The following GANC variants were observed in gnomAD, a reference collection of about 807,000 sequenced individuals.
The protein encoded by GANC is neutral alpha-glucosidase C.
A neutral mutation model predicts 124.2 loss-of-function variants in GANC; 117 were observed. That is an observed-to-expected ratio of 0.94 (90% CI 0.81 to 1.10). GANC has a LOEUF of 1.10. GANC is among the 50% of genes least tolerant of loss of function. The pLI is 0.00. For missense variants in GANC, 1,140 were observed against 1,095.0 expected (o/e 1.04, Z -0.58); for synonymous variants, 377 against 376.8 (o/e 1.00, Z -0.01).
In GANC at chr15:42,349,515, CTG is replaced by C. The variant is rs768188641; in HGVS notation, c.2531+22_2531+23del. On this transcript the variant is annotated intron_variant, in intron 22 of 23. Transcript: ENST00000318010. ...CAATAGGTAATGGCAGCTAAAGAAA[CTG>C]TTTGTTTTCTTAAGTAAATCACACT... is the stretch of plus-strand genomic sequence containing the variant. 15 of 1,402,730 alleles carry C rather than the reference CTG, an allele frequency of 1.1e-5. No homozygotes were observed. The African/African-American group carries it at 1.4e-4, about 13-fold the overall frequency. 86.9% of individuals were successfully genotyped at this position (1,402,730 alleles called of 1,614,324 possible).
At chr15:42,282,045 G>A (rs987124579) in intron 3 of GANC, among the ~76,000 whole-genome samples, 1 of 151,808 alleles carries the variant, frequency 6.6e-6, no homozygotes, top group African/African-American at 2.4e-5. Context: ...AAATAAGGCC[G>A]AGTGCGGTGG....
At chr15:42,296,482 T>A (rs1047604330) in intron 5 of GANC, among the ~76,000 whole-genome samples, 1 of 152,246 alleles carries the variant, frequency 6.6e-6, no homozygotes, top group East Asian at 1.9e-4. Flanking sequence ...CGCCTCCCAA[T>A]TGCAGGTTCA....
chr15:42,312,490 C>T (rs535495299), intron 10 of GANC, among the ~76,000 whole-genome samples: 1 of 152,338 alleles, frequency 6.6e-6, no homozygotes, highest in East Asian at 1.9e-4. Context: ...CCTTCGGCCA[C>T]AATTGTGAGG....
In GANC at chr15:42,279,972, G is replaced by T. The variant is rs1028684256; in HGVS notation, c.201+1382G>T. Reference sequence around the variant, plus strand: ...CCCAGACAGAAAGAACAATTGTACAGTAAGGAAAACTACCTTCATTATGGA... The same window carrying T: ...CCCAGACAGAAAGAACAATTGTACATTAAGGAAAACTACCTTCATTATGGA... On this transcript the variant is annotated intron_variant, in intron 3 of 23. Transcript: ENST00000318010. Among the ~76,000 whole-genome samples the T allele has an allele frequency of 2.6e-5, 4 of 152,300 alleles. No individual in the cohort carries two copies. The East Asian group carries it at 7.7e-4, about 29-fold the overall frequency.
At chr15:42,335,737 G>T (rs138259388) in intron 15 of GANC, among the ~76,000 whole-genome samples, 48 of 152,188 alleles carry the variant, frequency 3.2e-4, no homozygotes, top group Admixed American at 1.1e-3. Context: ...CAGCCCAAAA[G>T]CTCCTTAAGC....
rs1015677458 is a variant in GANC at position 42,351,509 on chromosome 15, A to C, written c.2635+77A>C. The C allele has an allele frequency of 7.0e-6, 7 of 1,002,624 alleles. No individual in the cohort carries two copies. The African/African-American group carries it at 9.5e-5, about 14-fold the overall frequency. The allele number at this position is 1,002,624 out of a possible 1,614,324, so 62.1% of individuals were successfully genotyped here. A position where few individuals can be genotyped will look rare whatever the true frequency, so the allele number is the denominator to read the frequency against. On this transcript the variant is annotated intron_variant, in intron 23 of 23. Coordinates refer to ENST00000318010, the MANE Select transcript of GANC (RefSeq NM_198141.3). ...ATCTGCAGTGAGATGATTAGTCCCC[A>C]AACGGAGATAATATGCTGAGCCTGA...
At chr15:42,291,832 G>A (rs975490728) in intron 4 of GANC, among the ~76,000 whole-genome samples, 1 of 152,102 alleles carries the variant, frequency 6.6e-6, no homozygotes, top group Admixed American at 6.6e-5. Context: ...CCTACTTAAT[G>A]GAATCATCAA....
At position 42,278,569 on chromosome 15, in the gene GANC, A is replaced by T; in HGVS notation, c.180A>T (p.Gln60His). Residue 60 changes from glutamine (Q) to histidine (H), a missense_variant, in exon 3 of 24, where the codon CAA becomes CAT. By Grantham distance (24) the Gln-to-His change is conservative. Coordinates refer to ENST00000318010, the MANE Select transcript of GANC (RefSeq NM_198141.3). ...VTTDEDSTRF[Q>H]IINEASKVPL... ...CAGATGAAGACAGCACCAGGTTCCA[A>T]ATCATCAATGAAGCAAGTAAGGTGA... 1 of 1,611,290 alleles carries T rather than the reference A, an allele frequency of 6.2e-7. No homozygotes were observed. Among genetic ancestry groups the T allele is most frequent in the Non-Finnish European group, 8.5e-7 (1 of 1,178,398 alleles).
At chr15:42,339,982 A>G in intron 17 of GANC, 70 bp downstream of exon 17, 1 of 1,508,096 alleles carries the variant, frequency 6.6e-7, no homozygotes, top group Non-Finnish European at 9.0e-7. Flanking sequence ...TGATTAAAGA[A>G]TGCAATAATT....
intron 10 of GANC, among the ~76,000 whole-genome samples, chr15:42,321,145 T>C (rs1659225): frequency 0.99 from 151,135 of 152,326 alleles, 74,987 homozygotes; most frequent in East Asian, 1. Flanking sequence ...TCTTTACCTT[T>C]AAGTGAGTCC....
rs374140356 is a variant in GANC, at chr15:42,297,669, G to T, written c.558+13G>T. On this transcript the variant is annotated intron_variant, in intron 6 of 23. Transcript: ENST00000318010. ...GGACACCTCTCAGGTAATCTAGATTGATCCATTTATTGTTATCTTTTTCAC... is the reference window on the plus strand; with the variant it reads ...GGACACCTCTCAGGTAATCTAGATTTATCCATTTATTGTTATCTTTTTCAC... 2.3e-4 allele frequency: 370 copies of T among 1,583,334 alleles called. 3 individuals are homozygous for T. In the African/African-American group the frequency reaches 4.8e-3, roughly 20 times the overall value.
chr15:42,291,525 C>G (rs938115013), intron 4 of GANC, among the ~76,000 whole-genome samples: 6 of 152,142 alleles, frequency 3.9e-5, no homozygotes, highest in Non-Finnish European at 5.9e-5. Flanking sequence ...GAACATACCC[C>G]CTTCACTGAG....
rs1595785726 is a variant in GANC, at chr15:42,344,848, G to T, written c.2230-910G>T. 2.6e-5 allele frequency: 4 copies of T among 152,302 alleles called. No individual in the cohort carries two copies. In the South Asian group the frequency reaches 8.3e-4, roughly 32 times the overall value. 9.4% of individuals were successfully genotyped at this position (152,302 alleles called of 1,614,324 possible). A position where few individuals can be genotyped will look rare whatever the true frequency, so the allele number is the denominator to read the frequency against. ...GGTGGGTTCCCATTAAGAGGAACTGGCTCCCTTTCCGACTTAGTCACAGAG... is the reference window on the plus strand; with the variant it reads ...GGTGGGTTCCCATTAAGAGGAACTGTCTCCCTTTCCGACTTAGTCACAGAG... On this transcript the variant is annotated intron_variant, in intron 19 of 23. Coordinates refer to ENST00000318010, the MANE Select transcript of GANC (RefSeq NM_198141.3).
At position 42,295,341 on chromosome 15, in the gene GANC, T is replaced by G. The variant is rs566822847; in HGVS notation, c.513-2270T>G. Among the ~76,000 whole-genome samples the G allele has an allele frequency of 3.9e-5, 6 of 152,216 alleles. No individual in the cohort carries two copies. The East Asian group carries it at 1.2e-3, about 29-fold the overall frequency. On this transcript the variant is annotated intron_variant, in intron 5 of 23. Transcript: ENST00000318010. ...TGTACTGGTAGCTATAGTTCCATGA[T>G]TTACATTTATATTTATAATTATATT...
chr15:42,349,242 TG>T lies in GANC; in HGVS notation c.2419-140del. ...CTCAGGAGTGATTGGCTATTGAATA[TG>T]TTAGGTATTTGTACGACTACTTTAT... On this transcript the variant is annotated intron_variant, in intron 21 of 23. Coordinates refer to ENST00000318010, the MANE Select transcript of GANC (RefSeq NM_198141.3). 1.3e-5 allele frequency: 8 copies of T among 615,998 alleles called. 1 individual carries two copies. The South Asian group carries it at 1.6e-4, about 12-fold the overall frequency. The allele number at this position is 615,998 out of a possible 1,614,324, so 38.2% of individuals were successfully genotyped here.
chr15:42,325,264 C>T (rs998133205), intron 11 of GANC, among the ~76,000 whole-genome samples: 6 of 151,862 alleles, frequency 4.0e-5, no homozygotes, highest in Non-Finnish European at 7.4e-5. Context: ...CAGAGCGAGA[C>T]TCTGTCTCAA....
Position 42,279,580 on chromosome 15 carries a change from A to G in GANC, c.201+990A>G, listed in dbSNP as rs16972983. On this transcript the variant is annotated intron_variant, in intron 3 of 23. Transcript: ENST00000318010. ...ATGGGCCAGTCATAGAGGAAGCACT[A>G]TGGGCTGTGCTAGGAAGTGTGACTG... 8.2e-3 allele frequency among the ~76,000 whole-genome samples: 1,248 copies of G among 152,306 alleles called. 14 individuals carry two copies. The highest frequency in any genetic ancestry group is 0.028 in the African/African-American group (1,155 of 41,570).
chr15:42,320,891 C>G (rs1395051464), intron 10 of GANC, among the ~76,000 whole-genome samples: 1 of 152,292 alleles, frequency 6.6e-6, no homozygotes, highest in East Asian at 1.9e-4. Context: ...GGGAGAGCTT[C>G]CCTGGCTTTG....
chr15:42,351,621 C>T (rs1471908196), intron 23 of GANC, among the ~76,000 whole-genome samples, 189 bp downstream of exon 23: 3 of 152,188 alleles, frequency 2.0e-5, no homozygotes, highest in Non-Finnish European at 2.9e-5. Flanking sequence ...GATCTTTCTG[C>T]TCACTTTTAA....
Sources: gnomAD v4.1 joint callset for allele counts (sites outside exome capture counted in the v4.1 genomes callset) on GRCh38, gnomAD v4.1.1 for gene constraint, MANE v1.5 for transcripts, NCBI Gene and HGNC (gene_info 2026-07-23, HGNC 2026-07-21) for gene names.